PEAK1: variants seen among roughly 807,000 people sequenced by gnomAD.
PEAK1 encodes the protein pseudopodium enriched atypical kinase 1.
PEAK1 carries 54 observed loss-of-function variants against 124.7 expected under a neutral mutation model. The ratio of observed to expected loss-of-function variants is 0.43; its 90% confidence interval spans 0.35 to 0.54. The LOEUF is 0.54. PEAK1 is among the 20% of genes least tolerant of loss of function. The probability of loss-of-function intolerance (pLI) is 0.01; values close to 1 mark genes in which losing one functional copy is unlikely to be tolerated. For synonymous variants in PEAK1, 719 were observed against 760.0 expected (o/e 0.95, Z 0.89); for missense variants, 2,046 against 2,134.5 (o/e 0.96, Z 0.82).
At chr15:77,154,249 T>C (rs1399371447) in intron 8 of PEAK1, among the ~76,000 whole-genome samples, 1 of 152,256 alleles carries the variant, frequency 6.6e-6, no homozygotes, top group African/African-American at 2.4e-5. Context: ...ATGGCCTTCT[T>C]TGTCTCTTTT....
intron 1 of PEAK1, among the ~76,000 whole-genome samples, chr15:77,396,750 A>G (rs2070919866): frequency 1.3e-5 from 2 of 152,202 alleles, no homozygotes; most frequent in Admixed American, 1.3e-4. Flanking sequence ...TATGTACCCA[A>G]CACTGGAGGA....
Position 77,256,301 on chromosome 15 carries a change from T to C in PEAK1, c.-274-3775A>G, listed in dbSNP as rs74791476. 4.5e-4 allele frequency among the ~76,000 whole-genome samples: 69 copies of C among 152,204 alleles called. 1 individual carries two copies. The East Asian group carries it at 0.013, about 29-fold the overall frequency. On this transcript the variant is annotated intron_variant, in intron 5 of 9. Transcript: ENST00000682557. ...GCTGAAGAAACTCAGACACTATAAA[T>C]GATTTCAAACCTTTGACACTATATA... is the stretch of plus-strand genomic sequence containing the variant.
chr15:77,153,519 T>A (rs962038283), intron 8 of PEAK1, among the ~76,000 whole-genome samples: 1 of 152,226 alleles, frequency 6.6e-6, no homozygotes, highest in African/African-American at 2.4e-5. Context: ...TTTCTTGCCT[T>A]CTGCTAGCTT....
At chr15:77,281,445 T>C (rs954498669) in intron 5 of PEAK1, among the ~76,000 whole-genome samples, 2 of 152,184 alleles carry the variant, frequency 1.3e-5, no homozygotes, top group African/African-American at 4.8e-5. Context: ...AGACTAGCAA[T>C]GTATTATACT....
At chr15:77,122,837 C>T (rs888598767) in intron 9 of PEAK1, among the ~76,000 whole-genome samples, 1 of 152,164 alleles carries the variant, frequency 6.6e-6, no homozygotes, top group Non-Finnish European at 1.5e-5. Flanking sequence ...TTTTCCTCAC[C>T]ACTAAGCCAG....
intron 6 of PEAK1, among the ~76,000 whole-genome samples, chr15:77,187,433 C>A (rs567218863): frequency 1.3e-5 from 2 of 152,034 alleles, no homozygotes; most frequent in African/African-American, 4.8e-5. Context: ...AAAAACCCCA[C>A]AAAAATACAA....
At position 77,225,664 on chromosome 15, in the gene PEAK1, A is replaced by ATT. The variant is rs1218798434; in HGVS notation, c.-115+26701_-115+26702dup. ...GTGTGTGTGTGTGTGTGTGTGTATA[A>ATT]TTTATATATATATATATATATATAT... On this transcript the variant is annotated intron_variant, in intron 6 of 9. Transcript: ENST00000682557. 2.9e-3 allele frequency among the ~76,000 whole-genome samples: 160 copies of ATT among 55,418 alleles called. 1 individual carries two copies. Among genetic ancestry groups the ATT allele is most frequent in the African/African-American group, 8.0e-3 (126 of 15,760 alleles). 36.4% of individuals were successfully genotyped at this position (55,418 alleles called of 152,430 possible).
intron 5 of PEAK1, among the ~76,000 whole-genome samples, chr15:77,273,879 T>C (rs2152957492): frequency 6.6e-6 from 1 of 152,184 alleles, no homozygotes; most frequent in South Asian, 2.1e-4. Flanking sequence ...CTTCAAACGA[T>C]ACTATAAGGC....
chr15:77,389,065 C>T lies in PEAK1; in HGVS notation c.-665-23840G>A, dbSNP rs182026800. 1.3e-3 allele frequency among the ~76,000 whole-genome samples: 193 copies of T among 150,348 alleles called. 1 individual carries two copies. The highest frequency in any genetic ancestry group is 4.6e-3 in the African/African-American group (187 of 40,724). ...GCAACCTATGCTTCCTGGGCTTAAA[C>T]GATCCTCCCACCTCAGCCTCAGCTA... On this transcript the variant is annotated intron_variant, in intron 1 of 9. Transcript: ENST00000682557.
intron 2 of PEAK1, among the ~76,000 whole-genome samples, chr15:77,353,858 G>C (rs1301706801): frequency 1.3e-5 from 2 of 152,194 alleles, no homozygotes; most frequent in African/African-American, 4.8e-5. Flanking sequence ...ATCAAACATA[G>C]GATGCAGAAA....
At chr15:77,418,704 G>A in intron 1 of PEAK1, 12 of 985,420 alleles carry the variant, frequency 1.2e-5, no homozygotes, top group Non-Finnish European at 1.4e-5. Context: ...CATGAAGTGA[G>A]TATCCAAGAT....
At chr15:77,161,429 T>C (rs931737053) in intron 7 of PEAK1, among the ~76,000 whole-genome samples, 1 of 152,188 alleles carries the variant, frequency 6.6e-6, no homozygotes, top group South Asian at 2.1e-4. Flanking sequence ...TAAAGATTGG[T>C]TTTTATGAGC....
intron 5 of PEAK1, among the ~76,000 whole-genome samples, chr15:77,268,974 C>T (rs764706673): frequency 2.0e-5 from 3 of 151,896 alleles, no homozygotes; most frequent in East Asian, 1.9e-4. Context: ...TGAAAGAATT[C>T]GCCACTACCA....
At chr15:77,167,991 G>C (rs2056231628) in intron 7 of PEAK1, among the ~76,000 whole-genome samples, 1 of 151,970 alleles carries the variant, frequency 6.6e-6, no homozygotes, top group African/African-American at 2.4e-5. Context: ...TGCGGTGTTT[G>C]GTTTTCTGTC....
chr15:77,372,078 G>A (rs1344069246), intron 1 of PEAK1, among the ~76,000 whole-genome samples: 1 of 152,140 alleles, frequency 6.6e-6, no homozygotes, highest in Non-Finnish European at 1.5e-5. Context: ...GGCAATAAAA[G>A]CAGAACTTAG....
intron 1 of PEAK1, among the ~76,000 whole-genome samples, chr15:77,393,218 G>A (rs2070623188): frequency 6.6e-6 from 1 of 152,168 alleles, no homozygotes; most frequent in Admixed American, 6.5e-5. Flanking sequence ...CAATTCCTGG[G>A]CAAGTCCTGG....
At chr15:77,196,526 T>C (rs2058110724) in intron 6 of PEAK1, among the ~76,000 whole-genome samples, 1 of 152,188 alleles carries the variant, frequency 6.6e-6, no homozygotes, top group Non-Finnish European at 1.5e-5. Context: ...TTCTTATTTG[T>C]TGAAGGCACT....
rs76463365 is a variant in PEAK1, at chr15:77,352,150, G to A, written c.-603+13013C>T. The A allele has an allele frequency of 1.9e-3, 1,804 of 947,146 alleles. 27 individuals carry two copies. In the African/African-American group the frequency reaches 0.03, roughly 16 times the overall value. 58.7% of individuals were successfully genotyped at this position (947,146 alleles called of 1,614,324 possible). On this transcript the variant is annotated intron_variant, in intron 2 of 9. Coordinates refer to ENST00000682557, the MANE Select transcript of PEAK1 (RefSeq NM_001385026.1). ...TGTAAGGATTGCTTTAGCCTGCAGT[G>A]AATTATGATCACCACTGCACTGCAG...
intron 2 of PEAK1, chr15:77,333,997 G>A (rs1205721122): frequency 2.6e-5 from 12 of 455,716 alleles, no homozygotes; most frequent in Non-Finnish European, 3.5e-5. Context: ...ATAGATTTGG[G>A]AAGAATTAAT....
Sources: gnomAD v4.1 joint callset for allele counts (sites outside exome capture counted in the v4.1 genomes callset) on GRCh38, gnomAD v4.1.1 for gene constraint, MANE v1.5 for transcripts, NCBI Gene and HGNC (gene_info 2026-07-23, HGNC 2026-07-21) for gene names.